IL21R: variants seen among roughly 807,000 people sequenced by gnomAD.
The protein encoded by IL21R is interleukin-21 receptor.
Under a neutral mutation model 41.3 loss-of-function variants are expected in IL21R, and 14 were observed. The observed-to-expected ratio is 0.34, with a 90% CI of 0.22 to 0.53. The LOEUF (loss-of-function observed/expected upper bound fraction) is 0.53, where lower values mean the gene tolerates loss of function less well. IL21R is among the 20% of genes least tolerant of loss of function. The pLI is 0.94. For missense variants in IL21R, 588 were observed against 681.6 expected, an observed-to-expected ratio of 0.86 and a Z score of 1.53; for synonymous variants, 286 against 287.6, an observed-to-expected ratio of 0.99 and a Z score of 0.05.
intron 2 of IL21R, among the ~76,000 whole-genome samples, chr16:27,432,008 C>T (rs1160936738): frequency 6.6e-6 from 1 of 152,154 alleles, no homozygotes; most frequent in Non-Finnish European, 1.5e-5. Context: ...CCTCACATGG[C>T]AGAAGGGCAA....
chr16:27,434,298 A>G (rs375986259), intron 2 of IL21R, 49 bp from the exon 3 acceptor site: 24 of 1,188,940 alleles, frequency 2.0e-5, no homozygotes, highest in African/African-American at 4.5e-5. Flanking sequence ...GAAGCTCTGC[A>G]GTCCCAAGCC....
At chr16:27,443,667 C>T (rs143454317) in intron 5 of IL21R, among the ~76,000 whole-genome samples, 1 of 152,046 alleles carries the variant, frequency 6.6e-6, no homozygotes, top group African/African-American at 2.4e-5. Context: ...ACCTGTAATC[C>T]AGCTATTCTG....
intron 1 of IL21R, among the ~76,000 whole-genome samples, chr16:27,421,061 G>A (rs1440857397): frequency 6.6e-6 from 1 of 151,980 alleles, no homozygotes; most frequent in Non-Finnish European, 1.5e-5. Flanking sequence ...TTGTTTTAAA[G>A]ACTATTCTTT....
At chr16:27,432,906 A>T (rs116091356) in intron 2 of IL21R, among the ~76,000 whole-genome samples, 1 of 152,208 alleles carries the variant, frequency 6.6e-6, no homozygotes, top group African/African-American at 2.4e-5. Context: ...GCTATGAAAA[A>T]CTAGCACAGA....
intron 1 of IL21R, among the ~76,000 whole-genome samples, chr16:27,408,370 G>T (rs2086779229): frequency 6.6e-6 from 1 of 152,212 alleles, no homozygotes; most frequent in Non-Finnish European, 1.5e-5. Flanking sequence ...GGCTGTCAGT[G>T]GTCTGATGAG....
chr16:27,449,298 T>C lies in IL21R; in HGVS notation c.*15T>C. The C allele has an allele frequency of 6.4e-7, 1 of 1,571,676 alleles. No individual in the cohort carries two copies. Among genetic ancestry groups the C allele is most frequent in the South Asian group, 1.2e-5 (1 of 84,340 alleles). On this transcript the variant is annotated 3_prime_UTR_variant, in exon 9 of 9. Transcript: ENST00000337929. Reference sequence around the variant, plus strand: ...AGGCCAGCTAATGAGGCTGACTGGATGTCCAGAGCTGGCCAGGCCACTGGG... The same window carrying C: ...AGGCCAGCTAATGAGGCTGACTGGACGTCCAGAGCTGGCCAGGCCACTGGG...
chr16:27,403,357 C>T (rs2086690482), intron 1 of IL21R: 1 of 805,428 alleles, frequency 1.2e-6, no homozygotes, highest in Non-Finnish European at 1.8e-6. Flanking sequence ...TTAGGACTTG[C>T]CGCAGGAATG....
chr16:27,410,913 T>C (rs1210842041), intron 1 of IL21R, among the ~76,000 whole-genome samples: 1 of 152,254 alleles, frequency 6.6e-6, no homozygotes, highest in African/African-American at 2.4e-5. Flanking sequence ...AGTGATACAA[T>C]GCAGTATTTG....
intron 1 of IL21R, among the ~76,000 whole-genome samples, chr16:27,409,491 C>T (rs1217941497): frequency 6.6e-6 from 1 of 151,916 alleles, no homozygotes; most frequent in East Asian, 1.9e-4. Context: ...AGACGATTTA[C>T]TGTTTTACCT....
intron 1 of IL21R, among the ~76,000 whole-genome samples, chr16:27,418,605 C>T (rs991094651): frequency 2.6e-5 from 4 of 151,772 alleles, no homozygotes; most frequent in Non-Finnish European, 5.9e-5. Flanking sequence ...CACCTGACCT[C>T]GTGATCTGCC....
intron 1 of IL21R, among the ~76,000 whole-genome samples, chr16:27,410,818 T>G (rs981920621): frequency 1.3e-5 from 2 of 152,182 alleles, no homozygotes; most frequent in African/African-American, 4.8e-5. Context: ...AAAAACAACT[T>G]TTCATTTCTC....
At chr16:27,403,519 G>C (rs6498022) in intron 1 of IL21R, among the ~76,000 whole-genome samples, 4,088 of 152,220 alleles carry the variant, frequency 0.027, 77 homozygotes, top group Non-Finnish European at 0.04. Flanking sequence ...GTCAAAACCC[G>C]GCCACGCGCC....
intron 1 of IL21R, among the ~76,000 whole-genome samples, chr16:27,410,954 A>G (rs1405758178): frequency 6.6e-6 from 1 of 152,232 alleles, no homozygotes; most frequent in Non-Finnish European, 1.5e-5. Flanking sequence ...TTCACTTTGC[A>G]GAATGTCCTC....
Position 27,445,261 on chromosome 16 carries a change from C to T in IL21R, c.770C>T (p.Thr257Ile), listed in dbSNP as rs200026397. 6.2e-6 allele frequency: 10 copies of T among 1,613,154 alleles called. No individual in the cohort carries two copies. The African/African-American group carries it at 8.0e-5, about 13-fold the overall frequency. ...ATTCCTGCCTTCTGGAGCCTGAAGA[C>T]CCATCCATTGTGGAGGTGAGGCCAG... ...VFIPAFWSLK[T>I]HPLWRLWKKI... The change falls in exon 7 of 9, where the codon ACC (threonine) becomes ATC (isoleucine). Residue 257 changes from threonine to isoleucine, a missense_variant. Physicochemically the swap from Thr to Ile is moderately conservative, Grantham distance 89. Coordinates refer to ENST00000337929, the MANE Select transcript of IL21R (RefSeq NM_181078.3).
In IL21R at chr16:27,434,462, G is replaced by A; in HGVS notation, c.152+13G>A. 6.4e-7 allele frequency: 1 copy of A among 1,555,986 alleles called. No homozygotes were observed. The highest frequency in any genetic ancestry group is 8.9e-7 in the Non-Finnish European group (1 of 1,128,230). On this transcript the variant is annotated intron_variant, in intron 3 of 8. Coordinates refer to ENST00000337929, the MANE Select transcript of IL21R (RefSeq NM_181078.3). ...TCACCCTTACCTGGTAAGTAGCCGG[G>A]CCTCACCAGTCCCCGGGGATGCAAT...
At position 27,447,017 on chromosome 16, in the gene IL21R, G is replaced by A. The variant is rs186861686; in HGVS notation, c.867+929G>A. ...GCTCCTGCTGTCTGCCTGGTGCTGC[G>A]CTGGACACCCTTCCTGCCTCACTCA... On this transcript the variant is annotated intron_variant, in intron 8 of 8. Coordinates refer to ENST00000337929, the MANE Select transcript of IL21R (RefSeq NM_181078.3). Among the ~76,000 whole-genome samples, 225 of 152,288 alleles carry A rather than the reference G, an allele frequency of 1.5e-3. 1 individual carries two copies. Among genetic ancestry groups the A allele is most frequent in the Middle Eastern group, 3.4e-3 (1 of 292 alleles).
At position 27,449,542 on chromosome 16, in the gene IL21R, T is replaced by C; in HGVS notation, c.*259T>C. 1 of 542,254 alleles carries C rather than the reference T, an allele frequency of 1.8e-6. No individual in the cohort carries two copies. The highest frequency in any genetic ancestry group is 1.9e-5 in the African/African-American group (1 of 53,170). 33.6% of individuals were successfully genotyped at this position (542,254 alleles called of 1,614,324 possible). ...GCACGTGCCTGTGGGCCTGGGATAA[T>C]GCCCATGGTACTCCATGCATTCACC... On this transcript the variant is annotated 3_prime_UTR_variant, in exon 9 of 9. Coordinates refer to ENST00000337929, the MANE Select transcript of IL21R (RefSeq NM_181078.3).
chr16:27,442,375 C>T (rs919223014), intron 4 of IL21R, among the ~76,000 whole-genome samples: 2 of 152,028 alleles, frequency 1.3e-5, no homozygotes, highest in African/African-American at 2.4e-5. Context: ...TATTTTTGTT[C>T]GTTTTTGAGA....
chr16:27,411,377 A>G (rs2086818976), intron 1 of IL21R, among the ~76,000 whole-genome samples: 1 of 147,280 alleles, frequency 6.8e-6, no homozygotes, highest in South Asian at 2.2e-4. Flanking sequence ...ATGATTAGTG[A>G]TATTGAGCAT....
Sources: allele counts gnomAD v4.1 joint callset (sites outside exome capture counted in the v4.1 genomes callset), GRCh38; gene constraint gnomAD v4.1.1; transcripts MANE v1.5; gene names NCBI Gene and HGNC (gene_info 2026-07-23, HGNC 2026-07-21).